Variants in CDH23 observed in about 807,000 individuals in gnomAD.
CDH23 encodes the protein cadherin-23.
CDH23 carries 189 observed loss-of-function variants against 317.1 expected under a neutral mutation model. The ratio of observed to expected loss-of-function variants is 0.60; its 90% confidence interval spans 0.53 to 0.67. The LOEUF is 0.67. Ranked by LOEUF, CDH23 falls within the 30% of genes least tolerant of loss-of-function variation. The probability of loss-of-function intolerance (pLI) is 0.00; values close to 1 mark genes in which losing one functional copy is unlikely to be tolerated. For synonymous variants in CDH23, 1,839 were observed against 1,876.8 expected (o/e 0.98, Z 0.52); for missense variants, 4,401 against 4,592.4 (o/e 0.96, Z 1.20).
At chr10:71,753,905 T>C in intron 38 of CDH23, 1 of 456,296 alleles carries the variant, frequency 2.2e-6, no homozygotes, top group Non-Finnish European at 4.4e-6. Flanking sequence ...ACACGGGTAT[T>C]CCCTCATCTC....
intron 1 of CDH23, among the ~76,000 whole-genome samples, chr10:71,425,947 T>C (rs1226398278): frequency 2.0e-5 from 3 of 152,018 alleles, no homozygotes; most frequent in African/African-American, 7.2e-5. Context: ...GGTTTTGGGG[T>C]GCAAGGGATG....
chr10:71,660,223 T>C lies in CDH23; in HGVS notation c.1449+13606T>C, dbSNP rs1863591458. 3.9e-5 allele frequency among the ~76,000 whole-genome samples: 6 copies of C among 152,218 alleles called. No individual in the cohort carries two copies. In the South Asian group the frequency reaches 1.2e-3, roughly 32 times the overall value. On this transcript the variant is annotated intron_variant, in intron 14 of 69. Coordinates refer to ENST00000224721, the MANE Select transcript of CDH23 (RefSeq NM_022124.6). ...ATCCACCCCGCTCGGCCTCCCAAAG[T>C]GAGTGAGCCACCGCGCCCGGCCTGA...
intron 2 of CDH23, among the ~76,000 whole-genome samples, chr10:71,445,342 C>T (rs1393667685): frequency 6.6e-6 from 1 of 152,204 alleles, no homozygotes; most frequent in Non-Finnish European, 1.5e-5. Flanking sequence ...CGTTATTATT[C>T]TGTGGGATCA....
rs1839679959 is a variant in CDH23, at chr10:71,739,626, C to T, written c.4360-18C>T. On this transcript the variant is annotated intron_variant, in intron 35 of 69. Transcript: ENST00000224721. The stretch of plus-strand genomic sequence containing the variant: ...TCCTCCACACCTGCTCACCCCTCAC[C>T]CTCTCTTCTCCCCACAGGTGGTCTT... 3 of 1,611,326 alleles carry T rather than the reference C, an allele frequency of 1.9e-6. No individual in the cohort carries two copies. In the Admixed American group the frequency reaches 5.0e-5, roughly 27 times the overall value.
intron 1 of CDH23, among the ~76,000 whole-genome samples, chr10:71,423,148 A>G (rs1848889851): frequency 6.6e-6 from 1 of 152,070 alleles, no homozygotes; most frequent in Admixed American, 6.5e-5. Flanking sequence ...GTCCTCCAGG[A>G]GTTTAAGGTC....
intron 6 of CDH23, among the ~76,000 whole-genome samples, chr10:71,552,837 C>T (rs984745941): frequency 2.6e-5 from 4 of 152,116 alleles, no homozygotes; most frequent in South Asian, 2.1e-4. Flanking sequence ...CTGCTTCCCT[C>T]GAGGTTAAGA....
intron 9 of CDH23, among the ~76,000 whole-genome samples, chr10:71,580,742 C>A (rs1432520612): frequency 2.6e-5 from 4 of 152,182 alleles, no homozygotes; most frequent in African/African-American, 9.7e-5. Flanking sequence ...CACCTCACTT[C>A]ACCCAAACCC....
intron 1 of CDH23, among the ~76,000 whole-genome samples, chr10:71,430,215 A>G (rs770605115): frequency 3.2e-4 from 48 of 151,998 alleles, no homozygotes; most frequent in African/African-American, 1.1e-3. Flanking sequence ...GCTGACTTTG[A>G]TCACTCCATT....
chr10:71,762,003 C>T (rs1466317019), intron 38 of CDH23: 22 of 1,607,414 alleles, frequency 1.4e-5, no homozygotes, highest in Admixed American at 6.7e-5. Flanking sequence ...TACGGCGTGG[C>T]GACCTTGAAG....
intron 23 of CDH23, 120 bp downstream of exon 23, chr10:71,702,331 G>C (rs1037963188): frequency 5.0e-6 from 6 of 1,203,770 alleles, no homozygotes; most frequent in Non-Finnish European, 7.1e-6. Context: ...ACCAAGAGTA[G>C]AGTAATACCC....
In CDH23 at chr10:71,730,659, G is replaced by A. The variant is rs936515568; in HGVS notation, c.3715+55G>A. 4 of 1,603,240 alleles carry A rather than the reference G, an allele frequency of 2.5e-6. No individual in the cohort carries two copies. In the South Asian group the frequency reaches 4.5e-5, roughly 18 times the overall value. On this transcript the variant is annotated intron_variant, in intron 31 of 69. Coordinates refer to ENST00000224721, the MANE Select transcript of CDH23 (RefSeq NM_022124.6). ...CCATTGCTCAGAGCAAACCTCCCCA[G>A]CTCACCCAGCCCCTCCTTCGAAACG...
chr10:71,741,717 G>T lies in CDH23; in HGVS notation c.4641G>T (p.Val1547=). The part of the protein sequence containing the change: ...VNENVGGGTA[V]VQVRATDRDI... The stretch of plus-strand genomic sequence containing the variant: ...AGAACGTGGGTGGAGGTACTGCTGT[G>T]GTCCAGGTGAGAGCCACTGACCGTG... The change falls in exon 38 of 70, where the codon GTG becomes GTT. Residue 1547 remains valine, a synonymous_variant. Transcript: ENST00000224721. 1.9e-6 allele frequency: 3 copies of T among 1,610,802 alleles called. No individual in the cohort carries two copies. Among genetic ancestry groups the T allele is most frequent in the Non-Finnish European group, 2.5e-6 (3 of 1,178,506 alleles).
intron 11 of CDH23, among the ~76,000 whole-genome samples, chr10:71,632,288 G>A (rs1046043333): frequency 1.4e-4 from 21 of 152,158 alleles, no homozygotes; most frequent in African/African-American, 3.1e-4. Flanking sequence ...CAGCAAGTGC[G>A]TAATTTGCAC....
rs554295504 is a variant in CDH23, at chr10:71,739,709, C to T, written c.4425C>T (p.Ser1475=). 5 of 1,613,552 alleles carry T rather than the reference C, an allele frequency of 3.1e-6. No homozygotes were observed. The highest frequency in any genetic ancestry group is 1.7e-4 in the Middle Eastern group (1 of 6,060). ...GAFEIVTTND[S]IGEVFVARPL... is the part of the protein sequence containing the mutation. ...TTGAGATCGTCACCACCAATGACTC[C>T]ATTGGCGAAGTGTTTGTGGCCAGGC... Residue 1475 remains serine, a synonymous_variant, in exon 36 of 70, where the codon TCC becomes TCT. Transcript: ENST00000224721.
At chr10:71,773,445 C>G in intron 38 of CDH23, 1 of 1,588,622 alleles carries the variant, frequency 6.3e-7, no homozygotes, top group African/African-American at 1.3e-5. Flanking sequence ...CCCATGTCGC[C>G]GTCGGACGCG....
chr10:71,654,525 T>C (rs1490428705), intron 14 of CDH23, among the ~76,000 whole-genome samples: 3 of 152,180 alleles, frequency 2.0e-5, no homozygotes, highest in Non-Finnish European at 4.4e-5. Flanking sequence ...AAATGGCTCA[T>C]GGATTTGGTG....
chr10:71,652,565 C>A (rs1490153716), intron 14 of CDH23, among the ~76,000 whole-genome samples: 1 of 152,222 alleles, frequency 6.6e-6, no homozygotes, highest in Non-Finnish European at 1.5e-5. Flanking sequence ...CCGCAGTGGA[C>A]CCTGGACAAG....
intron 6 of CDH23, among the ~76,000 whole-genome samples, chr10:71,548,304 G>T (rs79985517): frequency 0.096 from 14,671 of 152,214 alleles, 977 homozygotes; most frequent in Admixed American, 0.19. Context: ...GTGGAGGGGG[G>T]TGATGGCATA....
intron 6 of CDH23, among the ~76,000 whole-genome samples, chr10:71,555,808 A>G (rs1269180608): frequency 6.6e-6 from 1 of 152,202 alleles, no homozygotes; most frequent in Non-Finnish European, 1.5e-5. Flanking sequence ...GCTCCTGAGA[A>G]GAAGGGAGGG....
Sources: gnomAD v4.1 joint callset for allele counts (sites outside exome capture counted in the v4.1 genomes callset) on GRCh38, gnomAD v4.1.1 for gene constraint, MANE v1.5 for transcripts, NCBI Gene and HGNC (gene_info 2026-07-23, HGNC 2026-07-21) for gene names.